Variants in PTPN4 observed in about 807,000 individuals in gnomAD.
The protein encoded by PTPN4 is protein tyrosine phosphatase non-receptor type 4.
A neutral mutation model predicts 135.5 loss-of-function variants in PTPN4; 49 were observed. The observed-to-expected ratio is 0.36, with a 90% CI of 0.29 to 0.46. PTPN4 has a LOEUF of 0.46. PTPN4 is among the 20% of genes least tolerant of loss of function. The probability of loss-of-function intolerance (pLI) is 1.00; values close to 1 mark genes in which losing one functional copy is unlikely to be tolerated. For missense variants in PTPN4, 860 were observed against 1,101.0 expected (o/e 0.78, Z 3.10); for synonymous variants, 333 against 369.9 (o/e 0.90, Z 1.14).
chr2:119,972,100 C>T (rs1679542381), intron 26 of PTPN4, among the ~76,000 whole-genome samples: 1 of 151,766 alleles, frequency 6.6e-6, no homozygotes, highest in South Asian at 2.1e-4. Flanking sequence ...TTTTCATTTT[C>T]CAGCTTGATT....
intron 2 of PTPN4, among the ~76,000 whole-genome samples, chr2:119,854,579 G>A (rs1213820835): frequency 1.3e-5 from 2 of 152,122 alleles, no homozygotes; most frequent in Admixed American, 6.5e-5. Context: ...TCGATCTAAG[G>A]GTCCTTGGAA....
intron 15 of PTPN4, among the ~76,000 whole-genome samples, chr2:119,937,451 A>G (rs1678999217): frequency 6.6e-6 from 1 of 152,248 alleles, no homozygotes; most frequent in Non-Finnish European, 1.5e-5. Flanking sequence ...TTTATAGGCT[A>G]AGGATAAAGT....
intron 15 of PTPN4, among the ~76,000 whole-genome samples, chr2:119,936,362 T>C (rs1019289180): frequency 2.0e-5 from 3 of 152,234 alleles, no homozygotes. Context: ...GGTTTGGCTC[T>C]GTGTCCTCAC....
chr2:119,967,883 A>G lies in PTPN4; in HGVS notation c.2605A>G (p.Met869Val), dbSNP rs920873347. The G allele has an allele frequency of 4.3e-6, 7 of 1,612,042 alleles. No homozygotes were observed. Among genetic ancestry groups the G allele is most frequent in the Non-Finnish European group, 5.9e-6 (7 of 1,178,604 alleles). ...TGVLITMETAMCLIECNQPVY... is the reference protein window; with the variant it reads ...TGVLITMETAVCLIECNQPVY... Reference sequence around the variant, plus strand: ...GGTTCTTATTACTATGGAAACAGCCATGTGTCTCATTGAATGCAATCAGCC... The same window carrying G: ...GGTTCTTATTACTATGGAAACAGCCGTGTGTCTCATTGAATGCAATCAGCC... Residue 869 changes from methionine (M) to valine (V), a missense_variant, in exon 26 of 27, where the codon ATG (methionine) becomes GTG (valine). Around this residue, in one of 2 missense-constraint regions of PTPN4, gnomAD observed 176 missense variants for 294.1 expected, o/e 0.60. Coordinates refer to ENST00000263708, the MANE Select transcript of PTPN4 (RefSeq NM_002830.4).
chr2:119,897,296 T>C (rs1302975487), intron 9 of PTPN4, among the ~76,000 whole-genome samples: 1 of 152,178 alleles, frequency 6.6e-6, no homozygotes, highest in Non-Finnish European at 1.5e-5. Context: ...CTAGTATTTT[T>C]AAGATGTTTT....
chr2:119,950,292 G>A (rs2105051045), intron 18 of PTPN4, among the ~76,000 whole-genome samples: 1 of 152,272 alleles, frequency 6.6e-6, no homozygotes, highest in East Asian at 1.9e-4. Context: ...CATACTGCTA[G>A]TGCACAGAGG....
chr2:119,946,646 TTAAA>T (rs1558771710), intron 18 of PTPN4, 72 bp downstream of exon 18: 3 of 1,168,466 alleles, frequency 2.6e-6, no homozygotes, highest in South Asian at 2.8e-5. Context: ...TCTTACTAGT[TTAAA>T]TAAAACAAGG....
intron 1 of PTPN4, among the ~76,000 whole-genome samples, chr2:119,762,862 TTTTATGTAC>T (rs1690534237): frequency 1.3e-5 from 2 of 152,150 alleles, no homozygotes; most frequent in African/African-American, 4.8e-5. Flanking sequence ...TTATGAAGTT[TTTTATGTAC>T]TATAATCCAG....
chr2:119,862,398 G>C (rs1677773806), intron 2 of PTPN4, 138 bp from the exon 3 acceptor site: 9 of 669,088 alleles, frequency 1.3e-5, no homozygotes, highest in Non-Finnish European at 2.2e-5. Context: ...GCCAAGGCCT[G>C]ATTTTTCACA....
At chr2:119,813,252 C>CTTT (rs566056174) in intron 2 of PTPN4, among the ~76,000 whole-genome samples, 1 of 144,042 alleles carries the variant, frequency 6.9e-6, no homozygotes, top group African/African-American at 2.5e-5. Context: ...TTCTTTCTTT[C>CTTT]TTTTTTTTTT....
chr2:119,885,988 A>T, intron 9 of PTPN4, 106 bp downstream of exon 9: 4 of 697,818 alleles, frequency 5.7e-6, no homozygotes, highest in Non-Finnish European at 9.2e-6. Flanking sequence ...ATTGCTGCTG[A>T]CACAGCTGCA....
At chr2:119,818,947 C>T (rs545762303) in intron 2 of PTPN4, among the ~76,000 whole-genome samples, 1 of 152,296 alleles carries the variant, frequency 6.6e-6, no homozygotes, top group South Asian at 2.1e-4. Context: ...GTTTAGTTAA[C>T]AGCTATTTTC....
At chr2:119,781,275 T>C (rs1028928843) in intron 1 of PTPN4, among the ~76,000 whole-genome samples, 4 of 152,172 alleles carry the variant, frequency 2.6e-5, no homozygotes, top group Non-Finnish European at 4.4e-5. Context: ...GTAGGTTAAG[T>C]ATATTCAGTG....
chr2:119,819,321 G>A (rs889175154), intron 2 of PTPN4, among the ~76,000 whole-genome samples: 5 of 152,020 alleles, frequency 3.3e-5, no homozygotes, highest in Admixed American at 6.6e-5. Flanking sequence ...TATTTGGTCC[G>A]GTTTTTATAG....
intron 1 of PTPN4, among the ~76,000 whole-genome samples, chr2:119,767,313 G>A (rs1690646051): frequency 6.6e-6 from 1 of 152,108 alleles, no homozygotes; most frequent in Non-Finnish European, 1.5e-5. Context: ...CATTTCAGGG[G>A]AATGCACCAT....
chr2:119,799,987 T>G (rs1184973354), intron 1 of PTPN4, among the ~76,000 whole-genome samples: 18 of 152,176 alleles, frequency 1.2e-4, no homozygotes, highest in Admixed American at 1.2e-3. Flanking sequence ...AAGTTACATA[T>G]AGAAGATAAA....
At chr2:119,973,666 T>TTTG (rs1553481305) in intron 26 of PTPN4, among the ~76,000 whole-genome samples, 1 of 137,688 alleles carries the variant, frequency 7.3e-6, no homozygotes, top group Non-Finnish European at 1.5e-5. Flanking sequence ...TTTTTTTTTT[T>TTTG]TTTTTTTTTT....
intron 18 of PTPN4, among the ~76,000 whole-genome samples, chr2:119,951,620 A>G (rs1353533349): frequency 1.3e-5 from 2 of 152,124 alleles, no homozygotes; most frequent in Non-Finnish European, 2.9e-5. Flanking sequence ...TTTGAATTGT[A>G]TTGTTGGGGG....
At chr2:119,822,698 G>A (rs534233085) in intron 2 of PTPN4, among the ~76,000 whole-genome samples, 1 of 152,070 alleles carries the variant, frequency 6.6e-6, no homozygotes, top group African/African-American at 2.4e-5. Context: ...CTCTCCTTTT[G>A]TTGTTCTTGT....
Sources: allele counts gnomAD v4.1 joint callset (sites outside exome capture counted in the v4.1 genomes callset), GRCh38; gene constraint gnomAD v4.1.1; regional missense constraint gnomAD v4.1.1; transcripts MANE v1.5; gene names NCBI Gene and HGNC (gene_info 2026-07-23, HGNC 2026-07-21).